Variants in BHMT observed in about 807,000 individuals in gnomAD.
BHMT encodes the protein betaine--homocysteine S-methyltransferase.
Under a neutral mutation model 49.5 loss-of-function variants are expected in BHMT, and 38 were observed. The ratio of observed to expected loss-of-function variants is 0.77; its 90% CI spans 0.59 to 1.01. The LOEUF (loss-of-function observed/expected upper bound fraction) is 1.01. BHMT is among the 50% of genes least tolerant of loss of function. The pLI is 0.00. For missense variants in BHMT, 426 were observed against 495.7 expected (o/e 0.86, Z 1.34); for synonymous variants, 166 against 176.3 (o/e 0.94, Z 0.46).
intron 1 of BHMT, among the ~76,000 whole-genome samples, chr5:79,113,839 C>A (rs1033835960): frequency 1.3e-5 from 2 of 152,026 alleles, no homozygotes; most frequent in African/African-American, 2.4e-5. Context: ...GAGGTAACCA[C>A]TCAACAAGTG....
intron 1 of BHMT, among the ~76,000 whole-genome samples, chr5:79,113,538 A>G (rs1756338781): frequency 2.0e-5 from 3 of 152,250 alleles, no homozygotes; most frequent in Non-Finnish European, 2.9e-5. Context: ...ATTAAAATAA[A>G]TGTTACAAAG....
intron 7 of BHMT, 100 bp from the exon 8 acceptor site, chr5:79,130,832 AT>A: frequency 8.9e-7 from 1 of 1,121,778 alleles, no homozygotes; most frequent in Non-Finnish European, 1.2e-6. Context: ...GCTGCGTGAA[AT>A]TATTTAAAAT....
In BHMT at chr5:79,119,268, T is replaced by G; in HGVS notation, c.176T>G (p.Leu59Arg). Residue 59 changes from leucine to arginine, a missense_variant, in exon 3 of 8, where the codon CTT (leucine) becomes CGT (arginine). Leu to Arg is a moderately radical substitution (Grantham distance 102). This residue lies in a region of BHMT where 321 missense variants were observed against 355.9 expected (regional missense o/e 0.90). Transcript: ENST00000274353. Reference sequence around the variant, plus strand: ...TCATTCACTCTCCCAGTTCGCCAGCTTCATCGAGAGTTCCTCAGAGCTGGC... The same window carrying G: ...TCATTCACTCTCCCAGTTCGCCAGCGTCATCGAGAGTTCCTCAGAGCTGGC... ...AVEHPEAVRQLHREFLRAGSN... is the reference protein window; with the variant it reads ...AVEHPEAVRQRHREFLRAGSN... 6.2e-7 allele frequency: 1 copy of G among 1,606,524 alleles called. No individual in the cohort carries two copies. The highest frequency in any genetic ancestry group is 8.5e-7 in the Non-Finnish European group (1 of 1,178,100).
chr5:79,115,887 C>T lies in BHMT; in HGVS notation c.154C>T (p.His52Tyr), dbSNP rs747489317. 55 of 1,612,968 alleles carry T rather than the reference C, an allele frequency of 3.4e-5. No homozygotes were observed. The South Asian group carries it at 5.8e-4, about 17-fold the overall frequency. ...GPWTPEAAVE[H>Y]PEAVRQLHRE... is the part of the protein sequence containing the mutation. Reference sequence around the variant, plus strand: ...CTGGACTCCTGAAGCTGCTGTGGAGCACCCAGAAGCAGGTTGGTGCAGAGC... The same window carrying T: ...CTGGACTCCTGAAGCTGCTGTGGAGTACCCAGAAGCAGGTTGGTGCAGAGC... The change falls in exon 2 of 8, where the codon CAC becomes TAC. Residue 52 changes from histidine (H) to tyrosine (Y), a missense_variant. Around this residue, in one of 3 missense-constraint regions of BHMT, gnomAD observed 321 missense variants for 355.9 expected, o/e 0.90. Coordinates refer to ENST00000274353, the MANE Select transcript of BHMT (RefSeq NM_001713.3).
Position 79,121,314 on chromosome 5 carries a change from G to A in BHMT, c.574G>A (p.Asp192Asn). 1 of 1,614,210 alleles carries A rather than the reference G, an allele frequency of 6.2e-7. No homozygotes were observed. Among genetic ancestry groups the A allele is most frequent in the East Asian group, 2.2e-5 (1 of 44,888 alleles). ...AACCATGTGCATTGGCCCAGAAGGA[G>A]ATTTGCATGGCGTGCCCCCCGGCGA... Reference protein sequence around the residue: ...AATMCIGPEGDLHGVPPGECA... With the variant: ...AATMCIGPEGNLHGVPPGECA... The change falls in exon 5 of 8, where the codon GAT (aspartate) becomes AAT (asparagine). Residue 192 changes from aspartate to asparagine, a missense_variant. Coordinates refer to ENST00000274353, the MANE Select transcript of BHMT (RefSeq NM_001713.3).
chr5:79,113,045 G>A (rs978882029), intron 1 of BHMT, among the ~76,000 whole-genome samples: 1 of 152,206 alleles, frequency 6.6e-6, no homozygotes, highest in Non-Finnish European at 1.5e-5. Flanking sequence ...TGCCCTGCTG[G>A]AGAACCAGCT....
rs1001756994 is a variant in BHMT at position 79,125,054 on chromosome 5, G to C, written c.626-992G>C. ...GTATGGTAAACACAGGTGTAGTCTAGCAGCTGGGAGTGTTGAAAAATTATT... is the reference window on the plus strand; with the variant it reads ...GTATGGTAAACACAGGTGTAGTCTACCAGCTGGGAGTGTTGAAAAATTATT... On this transcript the variant is annotated intron_variant, in intron 5 of 7. Transcript: ENST00000274353. Among the ~76,000 whole-genome samples the C allele has an allele frequency of 6.3e-4, 96 of 152,292 alleles. 1 individual carries two copies. The highest frequency in any genetic ancestry group is 2.3e-3 in the African/African-American group (94 of 41,558).
At chr5:79,119,560 G>A (rs1756436425) in intron 3 of BHMT, 183 bp downstream of exon 3, 3 of 471,686 alleles carry the variant, frequency 6.4e-6, no homozygotes, top group Admixed American at 3.8e-5. Context: ...AATTAACAAA[G>A]AGGCATTTAG....
intron 2 of BHMT, among the ~76,000 whole-genome samples, chr5:79,118,032 A>G (rs2112724517): frequency 6.6e-6 from 1 of 152,352 alleles, no homozygotes; most frequent in African/African-American, 2.4e-5. Flanking sequence ...TGTGGATTTG[A>G]CATTCCAATC....
At chr5:79,125,930 G>A in intron 5 of BHMT, 116 bp from the exon 6 acceptor site, 6 of 1,059,164 alleles carry the variant, frequency 5.7e-6, no homozygotes, top group Non-Finnish European at 8.2e-6. Context: ...GCAACAGAGT[G>A]AGATTGTGTC....
chr5:79,112,061 A>T, intron 1 of BHMT, 143 bp downstream of exon 1: 1 of 1,065,838 alleles, frequency 9.4e-7, no homozygotes, highest in Non-Finnish European at 1.3e-6. Flanking sequence ...GCCTCAGACC[A>T]GAATGTGCTT....
At position 79,127,795 on chromosome 5, in the gene BHMT, A is replaced by G; in HGVS notation, c.849A>G (p.Lys283=). 1 of 1,614,152 alleles carries G rather than the reference A, an allele frequency of 6.2e-7. No homozygotes were observed. Among genetic ancestry groups the G allele is most frequent in the Non-Finnish European group, 8.5e-7 (1 of 1,179,974 alleles). ...PRVATRWDIQ[K]YAREAYNLGV... is the part of the protein sequence containing the mutation. ...TTGCCACCAGATGGGATATTCAAAA[A>G]TACGCCAGAGAGGCCTACAACCTGG... is the stretch of plus-strand genomic sequence containing the variant. The change falls in exon 7 of 8, where the codon AAA becomes AAG. Residue 283 remains lysine, a synonymous_variant. Coordinates refer to ENST00000274353, the MANE Select transcript of BHMT (RefSeq NM_001713.3).
chr5:79,115,266 A>C (rs1023676748), intron 1 of BHMT, among the ~76,000 whole-genome samples: 8 of 151,940 alleles, frequency 5.3e-5, no homozygotes, highest in Admixed American at 2.0e-4. Context: ...CCAGGAGTTC[A>C]AGTTCCTCTG....
At chr5:79,121,480 A>G (rs1561254043) in intron 5 of BHMT, 115 bp downstream of exon 5, 8 of 1,352,102 alleles carry the variant, frequency 5.9e-6, no homozygotes, top group Non-Finnish European at 7.9e-6. Flanking sequence ...CCATTAATTT[A>G]TTTTTGTAAG....
At chr5:79,129,784 A>G (rs1294484814) in intron 7 of BHMT, among the ~76,000 whole-genome samples, 1 of 152,130 alleles carries the variant, frequency 6.6e-6, no homozygotes, top group East Asian at 1.9e-4. Context: ...CAGCTGGCTC[A>G]TGAGGATGTG....
At chr5:79,115,632 A>G in intron 1 of BHMT, 135 bp from the exon 2 acceptor site, 1 of 994,718 alleles carries the variant, frequency 1.0e-6, no homozygotes, top group Non-Finnish European at 1.4e-6. Context: ...AAATGTATAT[A>G]TAAAATATAC....
At chr5:79,112,382 C>T (rs964633606) in intron 1 of BHMT, among the ~76,000 whole-genome samples, 111 of 152,368 alleles carry the variant, frequency 7.3e-4, no homozygotes, top group African/African-American at 2.6e-3. Context: ...CACGGAGCCC[C>T]TCCGCATCTG....
chr5:79,111,975 C>T (rs918582671), intron 1 of BHMT, 57 bp downstream of exon 1: 2 of 1,499,898 alleles, frequency 1.3e-6, no homozygotes, highest in Non-Finnish European at 1.8e-6. Context: ...GCTCTGTATC[C>T]CAGCCTCTGG....
At position 79,115,798 on chromosome 5, in the gene BHMT, T is replaced by C. The variant is rs1756378253; in HGVS notation, c.65T>C (p.Ile22Thr). ...CTAGAACGTTTAAATGCTGGAGAGA[T>C]TGTGATTGGAGATGGAGGGTTTGTC... ...GILERLNAGE[I>T]VIGDGGFVFA... Residue 22 changes from isoleucine to threonine, a missense_variant, in exon 2 of 8, where the codon ATT becomes ACT. By Grantham distance (89) the Ile-to-Thr change is moderately conservative. Coordinates refer to ENST00000274353, the MANE Select transcript of BHMT (RefSeq NM_001713.3). 3 of 1,613,354 alleles carry C rather than the reference T, an allele frequency of 1.9e-6. No individual in the cohort carries two copies. Among genetic ancestry groups the C allele is most frequent in the African/African-American group, 2.7e-5 (2 of 74,874 alleles).
Sources: allele counts gnomAD v4.1 joint callset (sites outside exome capture counted in the v4.1 genomes callset), GRCh38; gene constraint gnomAD v4.1.1; regional missense constraint gnomAD v4.1.1; transcripts MANE v1.5; gene names NCBI Gene and HGNC (gene_info 2026-07-23, HGNC 2026-07-21).